The following FAM227B variants were observed in gnomAD, a reference collection of about 807,000 sequenced individuals.
FAM227B encodes the protein family with sequence similarity 227 member B, also known as protein FAM227B.
In FAM227B, 88 loss-of-function variants were observed where a neutral mutation model predicts 73.8. The observed-to-expected ratio is 1.19, with a 90% confidence interval of 1.00 to 1.42. The LOEUF (loss-of-function observed/expected upper bound fraction) is 1.42. FAM227B is among the 40% of genes most tolerant of loss of function. The pLI is 0.00. For synonymous variants in FAM227B, 210 were observed against 190.5 expected (o/e 1.10, Z -0.84); for missense variants, 632 against 590.9 (o/e 1.07, Z -0.72).
At chr15:49,338,572 T>G (rs557489827) in intron 13 of FAM227B, among the ~76,000 whole-genome samples, 2 of 152,340 alleles carry the variant, frequency 1.3e-5, no homozygotes, top group South Asian at 4.1e-4. Flanking sequence ...TTTCCTTCAT[T>G]TCAACCTTGG....
intron 11 of FAM227B, among the ~76,000 whole-genome samples, chr15:49,416,993 C>T (rs1481167021): frequency 1.3e-5 from 2 of 152,144 alleles, no homozygotes; most frequent in African/African-American, 4.8e-5. Context: ...CAATGCTATT[C>T]CTATCAAACT....
intron 11 of FAM227B, among the ~76,000 whole-genome samples, chr15:49,482,114 G>T (rs1324554384): frequency 6.6e-6 from 1 of 152,122 alleles, no homozygotes; most frequent in Non-Finnish European, 1.5e-5. Context: ...TCTTTGCACT[G>T]TGTTAGACAT....
chr15:49,561,125 C>G (rs900998092), intron 9 of FAM227B, among the ~76,000 whole-genome samples: 5 of 152,158 alleles, frequency 3.3e-5, no homozygotes, highest in African/African-American at 1.2e-4. Context: ...CTACTTTCCT[C>G]AAGAGACCCA....
At chr15:49,331,955 A>C (rs190831781) in intron 14 of FAM227B, 106 bp from the exon 15 acceptor site, 1 of 719,564 alleles carries the variant, frequency 1.4e-6, no homozygotes, top group East Asian at 2.7e-5. Flanking sequence ...GGCATTCGTC[A>C]AGCACTTTAC....
At chr15:49,442,833 C>T (rs186964967) in intron 11 of FAM227B, among the ~76,000 whole-genome samples, 3 of 151,814 alleles carry the variant, frequency 2.0e-5, no homozygotes, top group African/African-American at 4.8e-5. Flanking sequence ...CACACGACAC[C>T]TATATACCTA....
At chr15:49,527,707 T>C (rs1376599470) in intron 10 of FAM227B, among the ~76,000 whole-genome samples, 3 of 151,858 alleles carry the variant, frequency 2.0e-5, no homozygotes, top group African/African-American at 7.2e-5. Context: ...TACACACTGA[T>C]AATGTTCAAG....
chr15:49,430,282 C>T (rs2050485175), intron 11 of FAM227B, among the ~76,000 whole-genome samples: 1 of 151,882 alleles, frequency 6.6e-6, no homozygotes, highest in African/African-American at 2.4e-5. Flanking sequence ...TCTTCTGACA[C>T]TTTAAAGTGG....
intron 11 of FAM227B, among the ~76,000 whole-genome samples, chr15:49,379,641 T>A (rs1282589634): frequency 6.6e-6 from 1 of 152,222 alleles, no homozygotes; most frequent in Non-Finnish European, 1.5e-5. Context: ...TCATTTCTAA[T>A]TTTATTTATT....
intron 9 of FAM227B, among the ~76,000 whole-genome samples, chr15:49,558,699 C>T (rs895811102): frequency 2.0e-5 from 3 of 152,182 alleles, no homozygotes; most frequent in African/African-American, 7.2e-5. Flanking sequence ...TTCATCATAA[C>T]CAGCACTTGA....
chr15:49,518,220 A>ATTATTGT, intron 10 of FAM227B, among the ~76,000 whole-genome samples: 1 of 152,158 alleles, frequency 6.6e-6, no homozygotes, highest in Non-Finnish European at 1.5e-5. Context: ...AGTTGTCCAA[A>ATTATTGT]ATTATTGTAT....
chr15:49,460,572 G>T (rs549767342), intron 11 of FAM227B, among the ~76,000 whole-genome samples: 1 of 152,196 alleles, frequency 6.6e-6, no homozygotes, highest in South Asian at 2.1e-4. Flanking sequence ...CCAAATATTC[G>T]AGGTGGGAGT....
chr15:49,352,199 G>A (rs1426855039), intron 13 of FAM227B, among the ~76,000 whole-genome samples: 1 of 152,188 alleles, frequency 6.6e-6, no homozygotes, highest in Non-Finnish European at 1.5e-5. Context: ...CATCCCAAAA[G>A]CAAGAGTGAA....
At chr15:49,462,764 C>T (rs938776775) in intron 11 of FAM227B, among the ~76,000 whole-genome samples, 1 of 152,116 alleles carries the variant, frequency 6.6e-6, no homozygotes, top group African/African-American at 2.4e-5. Flanking sequence ...TATGATATAT[C>T]AGATTATGAA....
chr15:49,420,871 A>T (rs2049568884), intron 11 of FAM227B, among the ~76,000 whole-genome samples: 1 of 152,018 alleles, frequency 6.6e-6, no homozygotes, highest in Non-Finnish European at 1.5e-5. Context: ...ATGCCCGGCT[A>T]ATTTTTTTGT....
At chr15:49,424,809 T>G (rs1392482086) in intron 11 of FAM227B, 1 of 342,660 alleles carries the variant, frequency 2.9e-6, no homozygotes, top group African/African-American at 2.1e-5. Context: ...CAAGCCAATT[T>G]GAAAATATAT....
chr15:49,505,048 T>C (rs1399420799), intron 11 of FAM227B, among the ~76,000 whole-genome samples: 1 of 152,210 alleles, frequency 6.6e-6, no homozygotes, highest in Non-Finnish European at 1.5e-5. Context: ...ATTCCTACTA[T>C]GGAGGACTAC....
At chr15:49,332,446 T>C (rs929961163) in intron 14 of FAM227B, among the ~76,000 whole-genome samples, 3 of 152,186 alleles carry the variant, frequency 2.0e-5, no homozygotes, top group African/African-American at 7.2e-5. Flanking sequence ...TCTCATGATA[T>C]CTGTCACCAA....
intron 11 of FAM227B, among the ~76,000 whole-genome samples, chr15:49,494,220 C>T (rs528365221): frequency 1.2e-4 from 18 of 150,396 alleles, no homozygotes; most frequent in Non-Finnish European, 1.8e-4. Context: ...ACTGCCAAAC[C>T]AGTATCAACT....
chr15:49,536,053 A>C (rs1264460162), intron 10 of FAM227B, among the ~76,000 whole-genome samples: 1 of 144,056 alleles, frequency 6.9e-6, no homozygotes, highest in East Asian at 2.0e-4. Context: ...TGCTGGAAGT[A>C]CTAGCAAGGG....
Sources: allele counts gnomAD v4.1 joint callset (sites outside exome capture counted in the v4.1 genomes callset), GRCh38; gene constraint gnomAD v4.1.1; transcripts MANE v1.5; gene names NCBI Gene and HGNC (gene_info 2026-07-23, HGNC 2026-07-21).